PLAT: variants seen among roughly 807,000 people sequenced by gnomAD.
PLAT encodes the protein plasminogen activator, tissue type, also known as tissue-type plasminogen activator.
PLAT carries 48 observed loss-of-function variants against 74.9 expected under a neutral mutation model. That is an observed-to-expected ratio of 0.64 (90% confidence interval 0.51 to 0.82). The LOEUF (loss-of-function observed/expected upper bound fraction) is 0.82, where lower values mean the gene tolerates loss of function less well. Ranked by LOEUF, PLAT falls within the 40% of genes least tolerant of loss-of-function variation. The pLI is 0.00. For synonymous variants in PLAT, 307 were observed against 294.4 expected (o/e 1.04, Z -0.44); for missense variants, 673 against 736.2 (o/e 0.91, Z 0.99).
At chr8:42,207,117 G>A (rs1442275242) in intron 1 of PLAT, among the ~76,000 whole-genome samples, 7 of 152,200 alleles carry the variant, frequency 4.6e-5, no homozygotes, top group Admixed American at 3.3e-4. Flanking sequence ...TCACAGGCAC[G>A]TGTCCCAAGG....
At chr8:42,191,096 C>G (rs1021788753) in intron 3 of PLAT, among the ~76,000 whole-genome samples, 3 of 152,214 alleles carry the variant, frequency 2.0e-5, no homozygotes, top group African/African-American at 7.2e-5. Context: ...TGGCCGCCCC[C>G]CCCAGCCCCC....
intron 4 of PLAT, chr8:42,188,464 T>C (rs2129751095): frequency 6.0e-6 from 1 of 167,414 alleles, no homozygotes; most frequent in East Asian, 1.7e-4. Flanking sequence ...CTTTTCTGCT[T>C]GTACCTTCAC....
intron 1 of PLAT, among the ~76,000 whole-genome samples, chr8:42,205,928 C>T (rs1806314420): frequency 6.6e-6 from 1 of 152,192 alleles, no homozygotes. Context: ...TTTTGGAATC[C>T]TTTGAAATCT....
At chr8:42,192,623 G>A (rs1404258885) in intron 2 of PLAT, among the ~76,000 whole-genome samples, 4 of 152,064 alleles carry the variant, frequency 2.6e-5, no homozygotes, top group Admixed American at 2.6e-4. Context: ...CATTAACATT[G>A]TACTAGGTAT....
At chr8:42,191,097 C>G (rs964488963) in intron 3 of PLAT, among the ~76,000 whole-genome samples, 4 of 152,202 alleles carry the variant, frequency 2.6e-5, no homozygotes, top group African/African-American at 4.8e-5. Flanking sequence ...GGCCGCCCCC[C>G]CCAGCCCCCG....
intron 9 of PLAT, among the ~76,000 whole-genome samples, chr8:42,181,023 C>G (rs1805218127): frequency 6.6e-6 from 1 of 152,178 alleles, no homozygotes; most frequent in Non-Finnish European, 1.5e-5. Flanking sequence ...TGTGGAATGT[C>G]TGCTCATTTC....
rs8178894 is a variant in PLAT at position 42,174,920 on chromosome 8, TTATTTTTTCCTTAAGATTC to T, written c.*1054_*1072del. Among the ~76,000 whole-genome samples, 725 of 152,304 alleles carry T rather than the reference TTATTTTTTCCTTAAGATTC, an allele frequency of 4.8e-3. 4 individuals carry two copies. Among genetic ancestry groups the T allele is most frequent in the Non-Finnish European group, 7.8e-3 (529 of 68,028 alleles). On this transcript the variant is annotated 3_prime_UTR_variant, in exon 14 of 14. Transcript: ENST00000220809. The stretch of plus-strand genomic sequence containing the variant: ...TGTCCACAGTCCACGTCTCACCCAG[TTATTTTTTCCTTAAGATTC>T]TATTTTTTCCTTAAGATTCCCCAAT...
Position 42,178,898 on chromosome 8 carries a change from T to A in PLAT, c.1529A>T (p.Gln510Leu). The part of the protein sequence containing the change: ...GPQANLHDAC[Q>L]GDSGGPLVCL... ...CATGGGCGCGCCACTCCTGGTTACC[T>A]GGCAGGCGTCGTGCAAGTTTGCCTG... The change falls in exon 13 of 14, where the codon CAG becomes CTG. Residue 510 changes from glutamine (Q) to leucine (L), a missense_variant and splice_region_variant. By Grantham distance (113) the Gln-to-Leu change is moderately radical. Coordinates refer to ENST00000220809, the MANE Select transcript of PLAT (RefSeq NM_000930.5). 1 of 1,612,988 alleles carries A rather than the reference T, an allele frequency of 6.2e-7. No homozygotes were observed. Among genetic ancestry groups the A allele is most frequent in the Non-Finnish European group, 8.5e-7 (1 of 1,179,896 alleles).
rs748114951 is a variant in PLAT at position 42,180,014 on chromosome 8, C to A, written c.1275G>T (p.Val425=). ...DSSRCAQESS[V]VRTVCLPPAD... ...CCGGGGGAAGGCACACAGTGCGGACCACGCTGCTCTCCTGGGCACAGCGGG... is the reference window on the plus strand; with the variant it reads ...CCGGGGGAAGGCACACAGTGCGGACAACGCTGCTCTCCTGGGCACAGCGGG... Residue 425 remains valine, a synonymous_variant, in exon 12 of 14, where the codon GTG becomes GTT. Transcript: ENST00000220809. 6.2e-7 allele frequency: 1 copy of A among 1,610,158 alleles called. No individual in the cohort carries two copies. The highest frequency in any genetic ancestry group is 1.1e-5 in the South Asian group (1 of 90,600).
intron 1 of PLAT, among the ~76,000 whole-genome samples, chr8:42,201,508 C>T (rs887853422): frequency 2.0e-5 from 3 of 152,050 alleles, no homozygotes; most frequent in Non-Finnish European, 4.4e-5. Flanking sequence ...CATGGATCCC[C>T]GTTAATACTG....
chr8:42,203,640 A>C (rs1218567157), intron 1 of PLAT, among the ~76,000 whole-genome samples: 1 of 152,182 alleles, frequency 6.6e-6, no homozygotes, highest in East Asian at 1.9e-4. Context: ...CATACATAGA[A>C]AATATTTTTT....
Position 42,194,241 on chromosome 8 carries a change from A to AGTGTGT in PLAT, c.-26-1036_-26-1031dup, listed in dbSNP as rs36208802. On this transcript the variant is annotated intron_variant, in intron 1 of 13. Transcript: ENST00000220809. ...GAGAGAGAGAGAGAGAGAGAGAGAGAGTGTGTGTGTGTGTGTGTGTGTGTG... is the reference window on the plus strand; with the variant it reads ...GAGAGAGAGAGAGAGAGAGAGAGAGAGTGTGTGTGTGTGTGTGTGTGTGTGTGTGTG... Among the ~76,000 whole-genome samples, 498 of 52,554 alleles carry AGTGTGT rather than the reference A, an allele frequency of 9.5e-3. 4 individuals are homozygous for AGTGTGT. Among genetic ancestry groups the AGTGTGT allele is most frequent in the Non-Finnish European group, 0.014 (369 of 26,176 alleles). 34.5% of individuals were successfully genotyped at this position (52,554 alleles called of 152,430 possible).
At chr8:42,194,215 TGAGAGAGA>T (rs140537859) in intron 1 of PLAT, among the ~76,000 whole-genome samples, 10 of 119,912 alleles carry the variant, frequency 8.3e-5, no homozygotes, top group African/African-American at 3.2e-4. Context: ...TGTGCCTGGC[TGAGAGAGA>T]GAGAGAGAGA....
Position 42,187,523 on chromosome 8 carries a change from C to G in PLAT, c.414G>C (p.Thr138=). Residue 138 remains threonine (T), a synonymous_variant, in exon 6 of 14, where the codon ACG becomes ACC. Coordinates refer to ENST00000220809, the MANE Select transcript of PLAT (RefSeq NM_000930.5). ...YEDQGISYRG[T]WSTAESGAEC... is the part of the protein sequence containing the mutation. ...CGGCGCCACTCTCCGCTGTGCTCCA[C>G]GTGCCCCTGTAGCTGATGCCCTGGT... 1 of 1,611,288 alleles carries G rather than the reference C, an allele frequency of 6.2e-7. No homozygotes were observed. Among genetic ancestry groups the G allele is most frequent in the Non-Finnish European group, 8.5e-7 (1 of 1,179,164 alleles).
At chr8:42,192,667 G>A (rs1344235390) in intron 2 of PLAT, among the ~76,000 whole-genome samples, 1 of 152,186 alleles carries the variant, frequency 6.6e-6, no homozygotes, top group Admixed American at 6.5e-5. Context: ...AAAGTATACA[G>A]GAGGGTGTGC....
chr8:42,184,334 T>C (rs1300549578), intron 7 of PLAT, among the ~76,000 whole-genome samples: 1 of 152,186 alleles, frequency 6.6e-6, no homozygotes, highest in Non-Finnish European at 1.5e-5. Flanking sequence ...ACTGAATTCA[T>C]AGTACCTTTC....
At chr8:42,200,403 G>T (rs1289536564) in intron 1 of PLAT, among the ~76,000 whole-genome samples, 1 of 151,800 alleles carries the variant, frequency 6.6e-6, no homozygotes, top group Non-Finnish European at 1.5e-5. Context: ...TGCAAGGTGT[G>T]GTGGCTCACA....
At chr8:42,205,591 A>G (rs1007314678) in intron 1 of PLAT, among the ~76,000 whole-genome samples, 1 of 152,168 alleles carries the variant, frequency 6.6e-6, no homozygotes, top group Non-Finnish European at 1.5e-5. Flanking sequence ...CCCCCCTCTC[A>G]TATGTAAATT....
At chr8:42,200,368 C>T (rs1470932715) in intron 1 of PLAT, among the ~76,000 whole-genome samples, 4 of 151,612 alleles carry the variant, frequency 2.6e-5, no homozygotes, top group Non-Finnish European at 5.9e-5. Context: ...GGGAGACCCT[C>T]GGCTGTACAA....
Sources: gnomAD v4.1 joint callset for allele counts (sites outside exome capture counted in the v4.1 genomes callset) on GRCh38, gnomAD v4.1.1 for gene constraint, MANE v1.5 for transcripts, NCBI Gene and HGNC (gene_info 2026-07-23, HGNC 2026-07-21) for gene names.